RAP1GAP: variants seen among roughly 807,000 people sequenced by gnomAD.
RAP1GAP encodes RAP1 GTPase activating protein.
Under a neutral mutation model 87.2 loss-of-function variants are expected in RAP1GAP, and 35 were observed. That is an observed-to-expected ratio of 0.40 (90% CI 0.31 to 0.53). RAP1GAP has a LOEUF of 0.53. RAP1GAP is among the 20% of genes least tolerant of loss of function. The pLI is 0.48. For missense variants in RAP1GAP, 734 were observed against 898.9 expected (o/e 0.82, Z 2.35); for synonymous variants, 375 against 363.9 (o/e 1.03, Z -0.35).
Position 21,619,085 on chromosome 1 carries a change from G to T in RAP1GAP, c.19-13C>A, listed in dbSNP as rs369380553. ...CCATCCTGCTTCCCTGTAAGAGAAG[G>T]CAGCACTGTTACACCCTCCCAGGCC... On this transcript the variant is annotated splice_polypyrimidine_tract_variant and intron_variant, in intron 4 of 24. Coordinates refer to ENST00000374765, the MANE Select transcript of RAP1GAP (RefSeq NM_002885.4). 1.9e-5 allele frequency: 31 copies of T among 1,593,462 alleles called. No individual in the cohort carries two copies. In the African/African-American group the frequency reaches 3.7e-4, roughly 19 times the overall value.
At chr1:21,604,020 G>C in intron 18 of RAP1GAP, 1 of 864,306 alleles carries the variant, frequency 1.2e-6, no homozygotes, top group South Asian at 1.8e-5. Context: ...GCAGGGAAAG[G>C]AGGAAGACAG....
At chr1:21,600,884 C>CAAAA (rs55668367) in intron 20 of RAP1GAP, among the ~76,000 whole-genome samples, 2 of 53,052 alleles carry the variant, frequency 3.8e-5, no homozygotes, top group East Asian at 9.4e-4. Context: ...GACTCTGTCT[C>CAAAA]AAAAAAAAAA....
At chr1:21,629,938 C>T (rs889524811) in intron 2 of RAP1GAP, among the ~76,000 whole-genome samples, 3 of 152,194 alleles carry the variant, frequency 2.0e-5, no homozygotes, top group Admixed American at 2.0e-4. Flanking sequence ...CCCCACAGAG[C>T]CTTACGACTT....
At chr1:21,648,035 A>G (rs552249334) in intron 2 of RAP1GAP, among the ~76,000 whole-genome samples, 196 of 152,314 alleles carry the variant, frequency 1.3e-3, no homozygotes, top group Non-Finnish European at 2.3e-3. Context: ...CCACTGACGC[A>G]TGGGCTGGAG....
At chr1:21,638,141 A>T (rs1447986756) in intron 2 of RAP1GAP, among the ~76,000 whole-genome samples, 1 of 140,700 alleles carries the variant, frequency 7.1e-6, no homozygotes. Flanking sequence ...ACAGAGCAAG[A>T]TCCTATTAAA....
In RAP1GAP at chr1:21,598,423, G is replaced by A. The variant is rs755746420; in HGVS notation, c.1856C>T (p.Thr619Ile). Residue 619 changes from threonine (T) to isoleucine (I), a missense_variant, in exon 22 of 25, where the codon ACC (threonine) becomes ATC (isoleucine). This residue lies in a region of RAP1GAP where 249 missense variants were observed against 252.7 expected (regional missense o/e 0.99). Transcript: ENST00000374765. ...ACCTGGGGAGCTGCCCCCACTAGTG[G>A]TGCTGACACTGTCCTCCAGCCACGT... ...YSTWLEDSVS[T>I]TSGGSSPGPS... 1.2e-6 allele frequency: 2 copies of A among 1,613,940 alleles called. No homozygotes were observed. The highest frequency in any genetic ancestry group is 1.7e-6 in the Non-Finnish European group (2 of 1,179,850).
intron 24 of RAP1GAP, among the ~76,000 whole-genome samples, 162 bp downstream of exon 24, chr1:21,597,524 T>C (rs1172881153): frequency 2.6e-5 from 4 of 152,184 alleles, no homozygotes; most frequent in African/African-American, 9.7e-5. Context: ...GGAAGGGCCG[T>C]GGCCTGCCCA....
intron 2 of RAP1GAP, among the ~76,000 whole-genome samples, chr1:21,641,134 G>C (rs1258920206): frequency 1.3e-5 from 2 of 148,458 alleles, no homozygotes; most frequent in Non-Finnish European, 3.0e-5. Flanking sequence ...TGGCCAGGCT[G>C]GTCTCAAACT....
Position 21,634,778 on chromosome 1 carries a change from A to G in RAP1GAP, c.-112-8381T>C, listed in dbSNP as rs775746170. On this transcript the variant is annotated intron_variant, in intron 2 of 24. Transcript: ENST00000374765. This position sits in a 1 kb window ranked among gnomAD's most constrained non-coding sequence, Gnocchi z 4.1. ...CCCATTTACCTGCTGTCTATCCAGC[A>G]TCTGTCTCCCTTGCTCAGGTGGCCT... 6.3e-6 allele frequency: 3 copies of G among 476,648 alleles called. No homozygotes were observed. In the East Asian group the frequency reaches 1.9e-4, roughly 30 times the overall value. 29.5% of individuals were successfully genotyped at this position (476,648 alleles called of 1,614,324 possible). A position where few individuals can be genotyped will look rare whatever the true frequency, so the allele number is the denominator to read the frequency against.
chr1:21,654,849 GAAAA>G (rs2096794813), intron 1 of RAP1GAP, among the ~76,000 whole-genome samples: 2 of 140,890 alleles, frequency 1.4e-5, no homozygotes, highest in Admixed American at 7.1e-5. Context: ...AAAGAAAAAA[GAAAA>G]AGAAAGGCTA....
At chr1:21,661,252 CA>C (rs60956284) in intron 1 of RAP1GAP, among the ~76,000 whole-genome samples, 19,290 of 127,174 alleles carry the variant, frequency 0.15, 1,678 homozygotes, top group African/African-American at 0.28. Context: ...ACTCTGTCTC[CA>C]AAAAAAAAAA....
chr1:21,644,553 G>A (rs190016825), intron 2 of RAP1GAP, among the ~76,000 whole-genome samples: 23 of 152,222 alleles, frequency 1.5e-4, no homozygotes, highest in African/African-American at 3.1e-4. Flanking sequence ...CCTGGCACGC[G>A]CTCAGCTCTC....
Position 21,634,919 on chromosome 1 carries a change from G to A in RAP1GAP, c.-112-8522C>T, listed in dbSNP as rs1418558338. The A allele has an allele frequency of 5.1e-5, 9 of 177,182 alleles. No individual in the cohort carries two copies. Among genetic ancestry groups the A allele is most frequent in the South Asian group, 2.4e-4 (3 of 12,246 alleles). The allele number at this position is 177,182 out of a possible 1,614,324, so 11.0% of individuals were successfully genotyped here. ...GGAGTGACTCTGAGATGACCCGGCCGCAGGGCCTCTTCCTGCCGGGCAACA... is the reference window on the plus strand; with the variant it reads ...GGAGTGACTCTGAGATGACCCGGCCACAGGGCCTCTTCCTGCCGGGCAACA... On this transcript the variant is annotated intron_variant, in intron 2 of 24. Transcript: ENST00000374765. This position sits in a 1 kb window ranked among gnomAD's most constrained non-coding sequence, Gnocchi z 4.1.
At chr1:21,610,404 T>C in intron 13 of RAP1GAP, 129 bp from the exon 14 acceptor site, 1 of 973,004 alleles carries the variant, frequency 1.0e-6, no homozygotes, top group Non-Finnish European at 1.5e-6. Flanking sequence ...TTCCCCAAAA[T>C]AATGTAGCAA....
At chr1:21,606,929 C>T (rs1015673208) in intron 17 of RAP1GAP, among the ~76,000 whole-genome samples, 2 of 152,226 alleles carry the variant, frequency 1.3e-5, no homozygotes, top group Non-Finnish European at 2.9e-5. Flanking sequence ...TCGGAGCCCT[C>T]CTCAAAGGAG....
chr1:21,607,379 T>C (rs954464393), intron 17 of RAP1GAP, among the ~76,000 whole-genome samples: 2 of 152,208 alleles, frequency 1.3e-5, no homozygotes, highest in Non-Finnish European at 2.9e-5. Flanking sequence ...GCCATTACCC[T>C]ACTCAACAGA....
In RAP1GAP at chr1:21,613,058, T is replaced by A; in HGVS notation, c.528+118A>T. 1 of 1,135,050 alleles carries A rather than the reference T, an allele frequency of 8.8e-7. No homozygotes were observed. The allele number at this position is 1,135,050 out of a possible 1,614,324, so 70.3% of individuals were successfully genotyped here. A position where few individuals can be genotyped will look rare whatever the true frequency, so the allele number is the denominator to read the frequency against. On this transcript the variant is annotated intron_variant, in intron 10 of 24. Coordinates refer to ENST00000374765, the MANE Select transcript of RAP1GAP (RefSeq NM_002885.4). The surrounding 1 kb of genome is among the most constrained non-coding windows in gnomAD (Gnocchi z 4.7). ...AATTGTGGACTTCACAGGGTTATTG[T>A]GAGGATTAAATGAGAGAACCTTGGG...
intron 18 of RAP1GAP, among the ~76,000 whole-genome samples, chr1:21,605,562 C>G (rs1167902439): frequency 1.3e-5 from 2 of 151,924 alleles, no homozygotes; most frequent in Non-Finnish European, 2.9e-5. Context: ...ACAGTGGGTG[C>G]TCACAGGTAC....
At position 21,622,324 on chromosome 1, in the gene RAP1GAP, C is replaced by A; in HGVS notation, c.-18-2274G>T. ...CCGGGGTCCCTCCGCCATGCCGCCC[C>A]GCCCGGGTCCTCACCTGCCAGCTGG... On this transcript the variant is annotated intron_variant, in intron 3 of 24. Transcript: ENST00000374765. The surrounding 1 kb of genome is among the most constrained non-coding windows in gnomAD (Gnocchi z 5.7). 2.0e-6 allele frequency: 1 copy of A among 503,710 alleles called. No individual in the cohort carries two copies. Among genetic ancestry groups the A allele is most frequent in the South Asian group, 2.7e-5 (1 of 37,472 alleles). The allele number at this position is 503,710 out of a possible 1,614,324, so 31.2% of individuals were successfully genotyped here.
Sources: gnomAD v4.1 joint callset for allele counts (sites outside exome capture counted in the v4.1 genomes callset) on GRCh38, gnomAD v4.1.1 for gene constraint, gnomAD v4.1.1 regional missense constraint, Gnocchi (gnomAD v3.1) non-coding constraint, MANE v1.5 for transcripts, NCBI Gene and HGNC (gene_info 2026-07-23, HGNC 2026-07-21) for gene names.